PDE7B: variants seen among roughly 807,000 people sequenced by gnomAD.
The protein encoded by PDE7B is phosphodiesterase 7B.
PDE7B carries 29 observed loss-of-function variants against 56.2 expected under a neutral mutation model. That is an observed-to-expected ratio of 0.52 (90% confidence interval 0.38 to 0.70). PDE7B has a LOEUF of 0.70. PDE7B is among the 30% of genes least tolerant of loss of function. The pLI is 0.00. For synonymous variants in PDE7B, 197 were observed against 196.9 expected (o/e 1.00, Z 0.00); for missense variants, 490 against 565.0 (o/e 0.87, Z 1.35).
intron 2 of PDE7B, among the ~76,000 whole-genome samples, chr6:136,068,542 T>A (rs1182839009): frequency 6.7e-6 from 1 of 149,810 alleles, no homozygotes; most frequent in Non-Finnish European, 1.5e-5. Flanking sequence ...ACCATTCTCC[T>A]GCCTCAGCCT....
At chr6:136,038,249 AC>A in intron 2 of PDE7B, 1 of 1,299,018 alleles carries the variant, frequency 7.7e-7, no homozygotes, top group Non-Finnish European at 1.0e-6. Context: ...CAGCAGCAGC[AC>A]CACCACCACC....
intron 2 of PDE7B, among the ~76,000 whole-genome samples, chr6:136,011,705 G>T (rs532821784): frequency 1.3e-5 from 2 of 152,240 alleles, no homozygotes; most frequent in South Asian, 4.2e-4. Context: ...CATGGGGCAG[G>T]CACTATGCAT....
At chr6:136,134,115 G>A (rs758111445) in intron 3 of PDE7B, among the ~76,000 whole-genome samples, 5 of 152,116 alleles carry the variant, frequency 3.3e-5, no homozygotes, top group South Asian at 4.1e-4. Flanking sequence ...GAACGAATCC[G>A]TTGGTGGTAG....
intron 12 of PDE7B, 105 bp downstream of exon 12, chr6:136,187,221 G>A (rs1779158167): frequency 4.5e-6 from 3 of 667,244 alleles, no homozygotes; most frequent in Admixed American, 2.7e-5. Flanking sequence ...AGCACTGGAG[G>A]TTTAATCAAC....
intron 2 of PDE7B, among the ~76,000 whole-genome samples, chr6:136,069,755 C>T (rs918937354): frequency 4.4e-4 from 67 of 152,100 alleles, no homozygotes; most frequent in African/African-American, 1.5e-3. Flanking sequence ...ACAATATCTT[C>T]ATCAGAAAAT....
At chr6:135,939,689 C>G (rs1006541268) in intron 1 of PDE7B, among the ~76,000 whole-genome samples, 3 of 152,130 alleles carry the variant, frequency 2.0e-5, no homozygotes, top group Non-Finnish European at 4.4e-5. Context: ...CTTCTGGGAG[C>G]TGGGGTGTTC....
At chr6:135,992,317 CA>C (rs1263958828) in intron 2 of PDE7B, among the ~76,000 whole-genome samples, 6 of 152,088 alleles carry the variant, frequency 3.9e-5, no homozygotes, top group Non-Finnish European at 8.8e-5. Flanking sequence ...GCCCTTGGGC[CA>C]CGGATGGGAC....
chr6:135,930,069 C>T (rs1446690562), intron 1 of PDE7B, among the ~76,000 whole-genome samples: 1 of 152,142 alleles, frequency 6.6e-6, no homozygotes, highest in East Asian at 1.9e-4. Context: ...ATACCCGAGA[C>T]TGGGCAAATT....
chr6:135,884,742 G>A (rs1431614271), intron 1 of PDE7B, among the ~76,000 whole-genome samples: 1 of 152,112 alleles, frequency 6.6e-6, no homozygotes, highest in African/African-American at 2.4e-5. Context: ...TGTATCATGT[G>A]TATCTTTCTT....
chr6:135,929,727 T>C (rs1277497452), intron 1 of PDE7B, among the ~76,000 whole-genome samples: 3 of 152,160 alleles, frequency 2.0e-5, no homozygotes, highest in East Asian at 3.9e-4. Flanking sequence ...ATCTGTGTGA[T>C]TGATGCCTCA....
intron 2 of PDE7B, among the ~76,000 whole-genome samples, chr6:136,108,481 G>T (rs955446640): frequency 5.9e-5 from 9 of 152,130 alleles, no homozygotes; most frequent in Non-Finnish European, 1.2e-4. Flanking sequence ...ATGGAAATTT[G>T]TAAGTTGCTG....
chr6:136,112,545 A>G (rs1489172368), intron 3 of PDE7B: 1 of 152,158 alleles, frequency 6.6e-6, no homozygotes, highest in Non-Finnish European at 1.5e-5. Flanking sequence ...GATTTTTTTA[A>G]ACAGATTTAA....
intron 1 of PDE7B, among the ~76,000 whole-genome samples, chr6:135,937,261 C>T (rs945439869): frequency 6.6e-6 from 1 of 152,188 alleles, no homozygotes; most frequent in African/African-American, 2.4e-5. Context: ...GAACAGATGG[C>T]CTGTGAGCTG....
intron 2 of PDE7B, among the ~76,000 whole-genome samples, chr6:136,009,968 A>G (rs1008572254): frequency 1.3e-5 from 2 of 152,084 alleles, no homozygotes; most frequent in African/African-American, 4.8e-5. Flanking sequence ...TCTGATTTCG[A>G]TTACTTGTCT....
intron 6 of PDE7B, among the ~76,000 whole-genome samples, chr6:136,151,888 C>T (rs1283159032): frequency 1.3e-5 from 2 of 151,804 alleles, no homozygotes; most frequent in African/African-American, 2.4e-5. Flanking sequence ...TGCAGTGAGC[C>T]GAGATTGCGC....
intron 2 of PDE7B, chr6:136,033,988 A>G (rs1330970345): frequency 6.6e-6 from 1 of 152,160 alleles, no homozygotes; most frequent in Admixed American, 6.5e-5. Flanking sequence ...ATTTTTTTCC[A>G]AAAGATAGGC....
intron 1 of PDE7B, among the ~76,000 whole-genome samples, chr6:135,881,046 C>G (rs2128188728): frequency 6.6e-6 from 1 of 152,210 alleles, no homozygotes; most frequent in African/African-American, 2.4e-5. Flanking sequence ...ATTTCAGAGC[C>G]TGGGAAATAC....
intron 2 of PDE7B, among the ~76,000 whole-genome samples, chr6:136,059,534 G>A (rs577113878): frequency 3.3e-5 from 5 of 152,246 alleles, no homozygotes; most frequent in South Asian, 2.1e-4. Flanking sequence ...AACAGAGCCC[G>A]CATTTGATTT....
intron 2 of PDE7B, among the ~76,000 whole-genome samples, chr6:136,073,968 A>G (rs1777089785): frequency 6.6e-6 from 1 of 152,208 alleles, no homozygotes. Context: ...CAATAGAAAT[A>G]ATTCCTTCGT....
Sources: gnomAD v4.1 joint callset for allele counts (sites outside exome capture counted in the v4.1 genomes callset) on GRCh38, gnomAD v4.1.1 for gene constraint, MANE v1.5 for transcripts, NCBI Gene and HGNC (gene_info 2026-07-23, HGNC 2026-07-21) for gene names.